CSMD2: variants seen among roughly 807,000 people sequenced by gnomAD.
CSMD2 encodes CUB and sushi domain-containing protein 2.
Under a neutral mutation model 398.5 loss-of-function variants are expected in CSMD2, and 130 were observed. The observed-to-expected ratio is 0.33, with a 90% CI of 0.28 to 0.38. The LOEUF (loss-of-function observed/expected upper bound fraction) is 0.38, where lower values mean the gene tolerates loss of function less well. CSMD2 is among the 10% of genes least tolerant of loss of function. The probability of loss-of-function intolerance (pLI) is 1.00; values close to 1 mark genes in which losing one functional copy is unlikely to be tolerated. For missense variants in CSMD2, 3,829 were observed against 4,764.9 expected, an observed-to-expected ratio of 0.80 and a Z score of 5.78; for synonymous variants, 1,828 against 1,908.5, an observed-to-expected ratio of 0.96 and a Z score of 1.10.
At chr1:33,570,350 TTTTA>T (rs1158159375) in intron 51 of CSMD2, among the ~76,000 whole-genome samples, 2 of 150,480 alleles carry the variant, frequency 1.3e-5, no homozygotes, top group Non-Finnish European at 3.0e-5. Context: ...TTTTTTTTTT[TTTTA>T]GTAGAGACAG....
In CSMD2 at chr1:34,067,427, A is replaced by G. The variant is rs112893530; in HGVS notation, c.404+21550T>C. On this transcript the variant is annotated intron_variant, in intron 2 of 70. Coordinates refer to ENST00000373381, the MANE Select transcript of CSMD2 (RefSeq NM_001281956.2). ...GTGGGGGGTGCATTCTTACATGGTT[A>G]CTCTCCATTCAACAAACTCTACAAA... 1.2e-3 allele frequency among the ~76,000 whole-genome samples: 182 copies of G among 152,144 alleles called. 5 individuals carry two copies. The highest frequency in any genetic ancestry group is 4.3e-3 in the African/African-American group (178 of 41,494).
Position 33,669,630 on chromosome 1 carries a change from C to T in CSMD2, c.4053-6538G>A, listed in dbSNP as rs532318705. 4.2e-4 allele frequency among the ~76,000 whole-genome samples: 64 copies of T among 152,304 alleles called. No homozygotes were observed. In the South Asian group the frequency reaches 0.01, roughly 24 times the overall value. The stretch of plus-strand genomic sequence containing the variant: ...GCAAATGGCCCCATGCCACTTGTAG[C>T]GGGTTGACTTGTGTCCCCCAAAAGG... On this transcript the variant is annotated intron_variant, in intron 25 of 70. Coordinates refer to ENST00000373381, the MANE Select transcript of CSMD2 (RefSeq NM_001281956.2).
At chr1:33,652,760 A>AT (rs1006435217) in intron 27 of CSMD2, among the ~76,000 whole-genome samples, 2 of 152,052 alleles carry the variant, frequency 1.3e-5, no homozygotes, top group Non-Finnish European at 1.5e-5. Flanking sequence ...TATTATTATT[A>AT]TTTTTTGAGA....
Position 33,635,403 on chromosome 1 carries a change from C to T in CSMD2, c.4970-73G>A. The T allele has an allele frequency of 1.1e-6, 1 of 916,308 alleles. No individual in the cohort carries two copies. The highest frequency in any genetic ancestry group is 1.7e-6 in the Non-Finnish European group (1 of 579,038). The allele number at this position is 916,308 out of a possible 1,614,324, so 56.8% of individuals were successfully genotyped here. On this transcript the variant is annotated intron_variant, in intron 30 of 70. Transcript: ENST00000373381. The surrounding 1 kb of genome is among the most constrained non-coding windows in gnomAD (Gnocchi z 5.0). ...ACCAGTGACCATCCTCTGTTCTGCCCCAGCCTGAGCTTCTGGCCCCAGTAG... is the reference window on the plus strand; with the variant it reads ...ACCAGTGACCATCCTCTGTTCTGCCTCAGCCTGAGCTTCTGGCCCCAGTAG...
intron 4 of CSMD2, among the ~76,000 whole-genome samples, chr1:33,922,269 G>A (rs1643968809): frequency 6.6e-6 from 1 of 152,150 alleles, no homozygotes; most frequent in South Asian, 2.1e-4. Context: ...AGACCTGTAT[G>A]GAGCAGGCAG....
At chr1:33,961,596 G>A (rs1645361695) in intron 3 of CSMD2, among the ~76,000 whole-genome samples, 1 of 152,222 alleles carries the variant, frequency 6.6e-6, no homozygotes, top group African/African-American at 2.4e-5. Flanking sequence ...AGAGTGAGAT[G>A]GTTTGAATGC....
chr1:34,160,887 T>C (rs1406430773), intron 1 of CSMD2, among the ~76,000 whole-genome samples: 4 of 152,204 alleles, frequency 2.6e-5, no homozygotes, highest in African/African-American at 9.6e-5. Context: ...TTTAAAGCCA[T>C]GATGTAATTG....
chr1:33,970,054 C>T (rs1400188250), intron 3 of CSMD2, among the ~76,000 whole-genome samples: 5 of 149,712 alleles, frequency 3.3e-5, no homozygotes, highest in Non-Finnish European at 5.9e-5. Context: ...TGCAGTAAGC[C>T]GAGATCACGC....
chr1:34,016,142 CG>C (rs895683717), intron 3 of CSMD2, among the ~76,000 whole-genome samples: 2 of 151,684 alleles, frequency 1.3e-5, no homozygotes, highest in African/African-American at 4.8e-5. Context: ...GAAACATATA[CG>C]TTTTTAAATT....
chr1:33,600,171 C>G (rs762377617), intron 44 of CSMD2: 1 of 716,684 alleles, frequency 1.4e-6, no homozygotes, highest in South Asian at 1.5e-5. Flanking sequence ...AGGTTTTACA[C>G]AGCTGGCCCA....
chr1:33,656,203 G>C (rs573148780), intron 27 of CSMD2, among the ~76,000 whole-genome samples: 1 of 152,232 alleles, frequency 6.6e-6, no homozygotes, highest in Non-Finnish European at 1.5e-5. Context: ...CTTGAGATTG[G>C]GGTTAGGCGT....
At chr1:33,894,014 G>A (rs1452966996) in intron 5 of CSMD2, among the ~76,000 whole-genome samples, 1 of 152,182 alleles carries the variant, frequency 6.6e-6, no homozygotes, top group Non-Finnish European at 1.5e-5. Context: ...TGACAGTGGT[G>A]ACAGGGACAG....
intron 12 of CSMD2, among the ~76,000 whole-genome samples, chr1:33,785,332 T>C (rs1017665645): frequency 1.5e-4 from 22 of 149,834 alleles, no homozygotes; most frequent in Non-Finnish European, 2.8e-4. Flanking sequence ...AAGCTTTGGC[T>C]TCTATTAAAG....
At chr1:33,551,785 G>C (rs1231090562) in intron 55 of CSMD2, among the ~76,000 whole-genome samples, 18 of 152,200 alleles carry the variant, frequency 1.2e-4, no homozygotes, top group Admixed American at 1.0e-3. Context: ...GACTTGCTTT[G>C]AATAACAAAA....
chr1:34,163,091 G>A lies in CSMD2; in HGVS notation c.187+1820C>T, dbSNP rs1490962644. ...AGTCGGCCTTTTTCTCTCCCCTAGG[G>A]GCAGGATATGCCCAAGGGGCAGGGA... On this transcript the variant is annotated intron_variant, in intron 1 of 70. Transcript: ENST00000373381. The surrounding 1 kb of genome is among the most constrained non-coding windows in gnomAD (Gnocchi z 5.4). 6.6e-6 allele frequency among the ~76,000 whole-genome samples: 1 copy of A among 152,206 alleles called. No homozygotes were observed. Among genetic ancestry groups the A allele is most frequent in the Non-Finnish European group, 1.5e-5 (1 of 68,034 alleles).
At chr1:33,743,238 C>T (rs201941931) in intron 14 of CSMD2, 42 bp downstream of exon 14, 171 of 1,514,746 alleles carry the variant, frequency 1.1e-4, no homozygotes, top group Non-Finnish European at 1.5e-4. Flanking sequence ...CAGAGGCAGA[C>T]ACTCAGATGG....
At chr1:33,938,315 C>T (rs1644543546) in intron 3 of CSMD2, among the ~76,000 whole-genome samples, 1 of 150,484 alleles carries the variant, frequency 6.6e-6, no homozygotes, top group Non-Finnish European at 1.5e-5. Context: ...ATCATATTCC[C>T]CTGCTGCTGG....
intron 23 of CSMD2, among the ~76,000 whole-genome samples, chr1:33,699,760 G>A (rs1209172732): frequency 6.6e-6 from 1 of 152,238 alleles, no homozygotes; most frequent in Non-Finnish European, 1.5e-5. Context: ...TAGATTCAGA[G>A]TTGTACAGCT....
chr1:33,623,024 A>G (rs948426101), intron 36 of CSMD2, among the ~76,000 whole-genome samples: 3 of 152,222 alleles, frequency 2.0e-5, no homozygotes, highest in Non-Finnish European at 4.4e-5. Context: ...TAAGTGAAAG[A>G]AGCCAAACAC....
Sources: gnomAD v4.1 joint callset for allele counts (sites outside exome capture counted in the v4.1 genomes callset) on GRCh38, gnomAD v4.1.1 for gene constraint, Gnocchi (gnomAD v3.1) non-coding constraint, MANE v1.5 for transcripts, NCBI Gene and HGNC (gene_info 2026-07-23, HGNC 2026-07-21) for gene names.